Variants in CACNA2D4 observed in about 807,000 individuals in gnomAD.
The protein encoded by CACNA2D4 is voltage-dependent calcium channel subunit alpha-2/delta-4.
In CACNA2D4, 157 loss-of-function variants were observed where a neutral mutation model predicts 163.8. The ratio of observed to expected loss-of-function variants is 0.96; its 90% confidence interval spans 0.84 to 1.09. The LOEUF (loss-of-function observed/expected upper bound fraction) is 1.09, where lower values mean the gene tolerates loss of function less well. Ranked by LOEUF, CACNA2D4 falls within the 50% of genes least tolerant of loss-of-function variation. CACNA2D4 has a pLI of 0.00. For synonymous variants in CACNA2D4, 598 were observed against 586.9 expected (o/e 1.02, Z -0.27); for missense variants, 1,410 against 1,479.9 (o/e 0.95, Z 0.78).
chr12:1,895,399 AAAGTC>A (rs1219162626), intron 6 of CACNA2D4, among the ~76,000 whole-genome samples: 3 of 152,202 alleles, frequency 2.0e-5, no homozygotes, highest in Non-Finnish European at 4.4e-5. Flanking sequence ...AATGGAAAAA[AAAGTC>A]AGAATAGCTA....
rs369394193 is a variant in CACNA2D4, at chr12:1,791,996, A to G, written c.*1659T>C. On this transcript the variant is annotated 3_prime_UTR_variant, in exon 38 of 38. Coordinates refer to ENST00000382722, the MANE Select transcript of CACNA2D4 (RefSeq NM_172364.5). ...AGCATGTATTTATTTAGCGTTTAGT[A>G]TATGCCAGGCAGTTTCAAGCATGTT... The G allele has an allele frequency of 9.2e-5, 14 of 152,364 alleles. No individual in the cohort carries two copies. The highest frequency in any genetic ancestry group is 2.4e-4 in the African/African-American group (10 of 41,590). The allele number at this position is 152,364 out of a possible 1,614,324, so 9.4% of individuals were successfully genotyped here.
Position 1,798,104 on chromosome 12 carries a change from AC to A in CACNA2D4, c.2996-570del, listed in dbSNP as rs999187669. Among the ~76,000 whole-genome samples the A allele has an allele frequency of 9.9e-5, 15 of 152,122 alleles. No individual in the cohort carries two copies. Among genetic ancestry groups the A allele is most frequent in the African/African-American group, 3.6e-4 (15 of 41,436 alleles). Reference sequence around the variant, plus strand: ...CTGCGGAAGCCCAGAAGCCACAGCCACCCGGTGCGGGACTCCTCGGGGGCTG... The same window carrying A: ...CTGCGGAAGCCCAGAAGCCACAGCCACCGGTGCGGGACTCCTCGGGGGCTG... On this transcript the variant is annotated intron_variant, in intron 34 of 37. Transcript: ENST00000382722. The surrounding 1 kb of genome is among the most constrained non-coding windows in gnomAD (Gnocchi z 4.3).
rs368886623 is a variant in CACNA2D4, at chr12:1,793,721, T to A, written c.3348A>T (p.Ser1116=). The change falls in exon 38 of 38, where the codon TCA becomes TCT. Residue 1116 remains serine (S), a synonymous_variant. Transcript: ENST00000382722. ...GCAGCAGGAGTAGGGGCGGCGAGGC[T>A]GAGGTGTCCGAGGCGCCGCCGCAGT... The part of the protein sequence containing the change: ...AQDCGGASDT[S]ASPPLLLLPV... 909 of 1,613,466 alleles carry A rather than the reference T, an allele frequency of 5.6e-4. No homozygotes were observed. The highest frequency in any genetic ancestry group is 9.8e-4 in the Admixed American group (59 of 60,032).
intron 26 of CACNA2D4, among the ~76,000 whole-genome samples, chr12:1,839,795 C>A (rs1469305062): frequency 6.6e-6 from 1 of 151,970 alleles, no homozygotes; most frequent in Non-Finnish European, 1.5e-5. Flanking sequence ...GGGAATGGCA[C>A]AGGAATCAGC....
chr12:1,862,588 T>G (rs1865548244), intron 18 of CACNA2D4, among the ~76,000 whole-genome samples: 1 of 152,166 alleles, frequency 6.6e-6, no homozygotes, highest in South Asian at 2.1e-4. Flanking sequence ...AATTTTTGTA[T>G]TTTTAGTAGA....
chr12:1,845,092 G>A (rs948814166), intron 24 of CACNA2D4, among the ~76,000 whole-genome samples: 2 of 152,014 alleles, frequency 1.3e-5, no homozygotes, highest in Non-Finnish European at 2.9e-5. Context: ...GGTGGGGGTG[G>A]GGAGCAGACA....
At chr12:1,810,673 C>T (rs531789191) in intron 27 of CACNA2D4, 86 bp from the exon 28 acceptor site, 157 of 1,342,556 alleles carry the variant, frequency 1.2e-4, no homozygotes, top group East Asian at 1.2e-3. Context: ...GTGTGTGGTA[C>T]GTCTGCAGTG....
rs372315441 is a variant in CACNA2D4, at chr12:1,918,320, C to A, written c.154G>T (p.Ala52Ser). The change falls in exon 1 of 38, where the codon GCC (alanine) becomes TCC (serine). Residue 52 changes from alanine to serine, a missense_variant. Coordinates refer to ENST00000382722, the MANE Select transcript of CACNA2D4 (RefSeq NM_172364.5). Reference protein sequence around the residue: ...VAWAFVQKTSALLWLLLLGTS... With the variant: ...VAWAFVQKTSSLLWLLLLGTS... ...CCTAGAAGCAGCAGCCACAGGAGGG[C>A]CGAGGTCTTCTGCACAAAGGCCCAG... 3 of 1,609,778 alleles carry A rather than the reference C, an allele frequency of 1.9e-6. No individual in the cohort carries two copies. The South Asian group carries it at 3.3e-5, about 18-fold the overall frequency.
At position 1,875,359 on chromosome 12, in the gene CACNA2D4, G is replaced by A. The variant is rs1232756565; in HGVS notation, c.1720-22C>T. The A allele has an allele frequency of 6.7e-7, 1 of 1,502,782 alleles. No homozygotes were observed. 93.1% of individuals were successfully genotyped at this position (1,502,782 alleles called of 1,614,324 possible). On this transcript the variant is annotated intron_variant, in intron 16 of 37. Transcript: ENST00000382722. The surrounding 1 kb of genome is among the most constrained non-coding windows in gnomAD (Gnocchi z 4.0). ...TGTACTGGAGTGGGCAGGTCAGGAA[G>A]AAAAACATGTGGTCAGTATACGTCC...
At position 1,874,721 on chromosome 12, in the gene CACNA2D4, A is replaced by G. The variant is rs1233546918; in HGVS notation, c.1807-46T>C. 7.3e-7 allele frequency: 1 copy of G among 1,372,770 alleles called. No homozygotes were observed. Among genetic ancestry groups the G allele is most frequent in the Non-Finnish European group, 1.0e-6 (1 of 960,956 alleles). 85.0% of individuals were successfully genotyped at this position (1,372,770 alleles called of 1,614,324 possible). A position where few individuals can be genotyped will look rare whatever the true frequency, so the allele number is the denominator to read the frequency against. On this transcript the variant is annotated intron_variant, in intron 17 of 37. Coordinates refer to ENST00000382722, the MANE Select transcript of CACNA2D4 (RefSeq NM_172364.5). The surrounding 1 kb of genome is among the most constrained non-coding windows in gnomAD (Gnocchi z 4.4). ...GCATTAGTTCCTTGGCTCACAGGGG[A>G]TGGTGAAAGTATGGCATTCTTCAGA...
chr12:1,916,551 AC>A (rs71441667), intron 1 of CACNA2D4, among the ~76,000 whole-genome samples: 3 of 126,616 alleles, frequency 2.4e-5, no homozygotes, highest in Non-Finnish European at 3.3e-5. Context: ...GCTGGGGAGC[AC>A]CCCCCACCTC....
intron 29 of CACNA2D4, among the ~76,000 whole-genome samples, chr12:1,804,421 C>G (rs1023746962): frequency 2.0e-5 from 3 of 152,150 alleles, no homozygotes; most frequent in African/African-American, 7.2e-5. Flanking sequence ...GCTTATTCAC[C>G]AACAACCCTG....
chr12:1,801,716 A>T, intron 29 of CACNA2D4, 72 bp from the exon 30 acceptor site: 1 of 1,077,434 alleles, frequency 9.3e-7, no homozygotes, highest in Non-Finnish European at 1.4e-6. Context: ...CGAGTCCAGC[A>T]CTATTTATTC....
intron 32 of CACNA2D4, 108 bp from the exon 33 acceptor site, chr12:1,800,160 GAC>G (rs1167569708): frequency 1.7e-6 from 2 of 1,157,846 alleles, no homozygotes; most frequent in Non-Finnish European, 2.5e-6. Context: ...TCTCCTCCAG[GAC>G]ACCCTCTTCC....
intron 13 of CACNA2D4, among the ~76,000 whole-genome samples, chr12:1,880,550 A>C (rs1273584834): frequency 6.6e-6 from 1 of 152,256 alleles, no homozygotes; most frequent in East Asian, 1.9e-4. Flanking sequence ...GGGGCTCTGC[A>C]TGTGTGCCCC....
At position 1,917,169 on chromosome 12, in the gene CACNA2D4, G is replaced by A. The variant is rs1464807084; in HGVS notation, c.227+1078C>T. 2.0e-5 allele frequency among the ~76,000 whole-genome samples: 3 copies of A among 152,178 alleles called. No individual in the cohort carries two copies. Among genetic ancestry groups the A allele is most frequent in the African/African-American group, 7.2e-5 (3 of 41,440 alleles). ...TCACTTCCTGGCCTTGTGAACTTGGGGAAGTCACCTGACCTCTCGGGGCCT... is the reference window on the plus strand; with the variant it reads ...TCACTTCCTGGCCTTGTGAACTTGGAGAAGTCACCTGACCTCTCGGGGCCT... On this transcript the variant is annotated intron_variant, in intron 1 of 37. Coordinates refer to ENST00000382722, the MANE Select transcript of CACNA2D4 (RefSeq NM_172364.5). The surrounding 1 kb of genome is among the most constrained non-coding windows in gnomAD (Gnocchi z 4.3).
intron 23 of CACNA2D4, among the ~76,000 whole-genome samples, chr12:1,851,840 C>T (rs942979194): frequency 6.6e-6 from 1 of 151,904 alleles, no homozygotes; most frequent in Non-Finnish European, 1.5e-5. Context: ...GTTGAAGTCT[C>T]GTATCCAAAA....
rs1864775767 is a variant in CACNA2D4 at position 1,834,659 on chromosome 12, C to T, written c.2551+6080G>A. The stretch of plus-strand genomic sequence containing the variant: ...CCACCGGGAGCTCAAAAAGCGCCAG[C>T]CCCTGATGGGGGACCCCGAGGGCGA... On this transcript the variant is annotated intron_variant, in intron 26 of 37. Transcript: ENST00000382722. This position sits in a 1 kb window ranked among gnomAD's most constrained non-coding sequence, Gnocchi z 7.6. 6.9e-6 allele frequency: 11 copies of T among 1,601,458 alleles called. No individual in the cohort carries two copies. Among genetic ancestry groups the T allele is most frequent in the Non-Finnish European group, 9.3e-6 (11 of 1,179,772 alleles).
intron 19 of CACNA2D4, among the ~76,000 whole-genome samples, chr12:1,859,489 T>C (rs943833458): frequency 6.6e-6 from 1 of 152,206 alleles, no homozygotes; most frequent in African/African-American, 2.4e-5. Context: ...AACGACCACT[T>C]GTTTTCTAAT....
Sources: gnomAD v4.1 joint callset for allele counts (sites outside exome capture counted in the v4.1 genomes callset) on GRCh38, gnomAD v4.1.1 for gene constraint, Gnocchi (gnomAD v3.1) non-coding constraint, MANE v1.5 for transcripts, NCBI Gene and HGNC (gene_info 2026-07-23, HGNC 2026-07-21) for gene names.